C4orf51: variants seen among roughly 807,000 people sequenced by gnomAD.
The protein encoded by C4orf51 is chromosome 4 open reading frame 51.
A neutral mutation model predicts 25.2 loss-of-function variants in C4orf51; 25 were observed. The ratio of observed to expected loss-of-function variants is 0.99; its 90% CI spans 0.72 to 1.39. C4orf51 has a LOEUF of 1.39. Ranked by LOEUF, C4orf51 falls within the 40% of genes most tolerant of loss-of-function variation. C4orf51 has a pLI of 0.00. For synonymous variants in C4orf51, 100 were observed against 84.5 expected, an observed-to-expected ratio of 1.18 and a Z score of -1.01; for missense variants, 252 against 239.6, an observed-to-expected ratio of 1.05 and a Z score of -0.34.
chr4:145,726,339 T>C (rs1007262997), intron 2 of C4orf51, among the ~76,000 whole-genome samples: 2 of 152,208 alleles, frequency 1.3e-5, no homozygotes, highest in African/African-American at 4.8e-5. Flanking sequence ...TCCTTTCTTG[T>C]AGCTATTCGA....
chr4:145,784,153 C>T, the C4orf51 span, among the ~76,000 whole-genome samples: 2 of 152,192 alleles, frequency 1.3e-5, no homozygotes, highest in African/African-American at 4.8e-5. Context: ...ATCATGCTTC[C>T]TGTACAGCCT....
chr4:145,780,963 G>A, the C4orf51 span, among the ~76,000 whole-genome samples: 4 of 152,166 alleles, frequency 2.6e-5, no homozygotes, highest in Admixed American at 6.5e-5. Context: ...TCGGGAGGCC[G>A]AGGCAGGGGG....
chr4:145,724,717 A>G (rs765868838), intron 2 of C4orf51, among the ~76,000 whole-genome samples: 1 of 151,842 alleles, frequency 6.6e-6, no homozygotes, highest in Non-Finnish European at 1.5e-5. Flanking sequence ...ACTCATTTCT[A>G]TGACAAATTT....
chr4:145,743,910 A>C (rs1342951155), intron 1 of C4orf51, among the ~76,000 whole-genome samples: 5 of 152,226 alleles, frequency 3.3e-5, no homozygotes, highest in Non-Finnish European at 1.5e-5. Context: ...TGCAGCTTGC[A>C]TGCTACATCC....
At chr4:145,752,184 C>T (rs1733711545) in intron 1 of C4orf51, among the ~76,000 whole-genome samples, 2 of 152,172 alleles carry the variant, frequency 1.3e-5, no homozygotes, top group Non-Finnish European at 2.9e-5. Context: ...ACAAAGTCCC[C>T]TTTTGTTTTT....
At chr4:145,692,953 GTTTTTTT>G (rs202227019) in intron 1 of C4orf51, among the ~76,000 whole-genome samples, 22 of 100,994 alleles carry the variant, frequency 2.2e-4, no homozygotes, top group East Asian at 6.3e-4. Flanking sequence ...TAAGTTTTTA[GTTTTTTT>G]TTTTTTTTTT....
chr4:145,717,483 C>T (rs967387830), intron 2 of C4orf51, among the ~76,000 whole-genome samples: 1 of 152,184 alleles, frequency 6.6e-6, no homozygotes, highest in African/African-American at 2.4e-5. Flanking sequence ...TCTCCTTGTG[C>T]TTCTTTTCCA....
the C4orf51 span, among the ~76,000 whole-genome samples, chr4:145,783,499 C>T: frequency 6.6e-6 from 1 of 152,230 alleles, no homozygotes; most frequent in African/African-American, 2.4e-5. Context: ...CTTACCTCTT[C>T]CCAATAGCAT....
chr4:145,779,108 T>G, the C4orf51 span, among the ~76,000 whole-genome samples: 1 of 152,226 alleles, frequency 6.6e-6, no homozygotes, highest in Admixed American at 6.5e-5. Context: ...ACATTTTTTT[T>G]AACAGAGTTT....
chr4:145,717,258 C>G (rs1251953103), intron 2 of C4orf51, among the ~76,000 whole-genome samples: 1 of 152,136 alleles, frequency 6.6e-6, no homozygotes, highest in Admixed American at 6.5e-5. Flanking sequence ...CTTTGCATTC[C>G]TATCTCCTCT....
intron 1 of C4orf51, among the ~76,000 whole-genome samples, chr4:145,683,752 G>A (rs909130967): frequency 6.6e-6 from 1 of 152,144 alleles, no homozygotes; most frequent in African/African-American, 2.4e-5. Flanking sequence ...AACTCAAAAT[G>A]GATCATAGAC....
chr4:145,710,029 G>T (rs1038950607), intron 2 of C4orf51, among the ~76,000 whole-genome samples: 1 of 152,176 alleles, frequency 6.6e-6, no homozygotes, highest in Non-Finnish European at 1.5e-5. Context: ...TACCACAAGG[G>T]ATCATATCTG....
At position 145,764,097 on chromosome 4, in the gene C4orf51, G is replaced by GT. The variant is rs144945087; in HGVS notation, n.167-6885dup. 6.0e-3 allele frequency among the ~76,000 whole-genome samples: 916 copies of GT among 152,258 alleles called. 10 individuals carry two copies. The highest frequency in any genetic ancestry group is 0.02 in the African/African-American group (845 of 41,534). On this transcript the variant is annotated intron_variant and non_coding_transcript_variant, in intron 1 of 1. Transcript: ENST00000510096. ...TGACGAACATGTTTTAAAACAAAAG[G>GT]TTTTTTCCCCCTTGTGTTAAGTAAA...
the C4orf51 span, among the ~76,000 whole-genome samples, chr4:145,788,402 G>C: frequency 1.3e-5 from 2 of 152,188 alleles, no homozygotes. Context: ...TCCAAATGTA[G>C]ATAGTCACTG....
chr4:145,756,717 C>T (rs1017769329), downstream of C4orf51, among the ~76,000 whole-genome samples: 3 of 152,136 alleles, frequency 2.0e-5, no homozygotes, highest in African/African-American at 7.2e-5. Context: ...CACCAGCCAC[C>T]TCAACACAAA....
At position 145,765,368 on chromosome 4, in the gene C4orf51, C is replaced by T. The variant is rs908045138; in HGVS notation, n.167-5620C>T. 3.3e-5 allele frequency among the ~76,000 whole-genome samples: 5 copies of T among 152,180 alleles called. No individual in the cohort carries two copies. The highest frequency in any genetic ancestry group is 1.2e-4 in the African/African-American group (5 of 41,424). ...ATCAATGTCACCCTCCCCATCCTTCCACCCCATACTCGGATTCAAATTAAG... is the reference window on the plus strand; with the variant it reads ...ATCAATGTCACCCTCCCCATCCTTCTACCCCATACTCGGATTCAAATTAAG... On this transcript the variant is annotated intron_variant and non_coding_transcript_variant, in intron 1 of 1. Coordinates refer to the C4orf51 transcript ENST00000510096. The surrounding 1 kb of genome is among the most constrained non-coding windows in gnomAD (Gnocchi z 4.7).
intron 2 of C4orf51, among the ~76,000 whole-genome samples, chr4:145,719,242 C>A (rs1731585763): frequency 6.6e-6 from 1 of 151,896 alleles, no homozygotes; most frequent in Non-Finnish European, 1.5e-5. Flanking sequence ...AGGGGCAGGT[C>A]TTTGTTTATA....
At chr4:145,696,029 C>G (rs1021668062) in intron 1 of C4orf51, among the ~76,000 whole-genome samples, 1 of 152,146 alleles carries the variant, frequency 6.6e-6, no homozygotes, top group Non-Finnish European at 1.5e-5. Flanking sequence ...GTAATCCCAG[C>G]AAGGTGGGCA....
downstream of C4orf51, chr4:145,774,617 A>T: frequency 6.2e-7 from 1 of 1,613,918 alleles, no homozygotes; most frequent in Non-Finnish European, 8.5e-7. Flanking sequence ...ACGTGGAGTG[A>T]CATGTGGCTG....
Sources: gnomAD v4.1 joint callset for allele counts (sites outside exome capture counted in the v4.1 genomes callset) on GRCh38, gnomAD v4.1.1 for gene constraint, Gnocchi (gnomAD v3.1) non-coding constraint, MANE v1.5 for transcripts, NCBI Gene and HGNC (gene_info 2026-07-23, HGNC 2026-07-21) for gene names.